Variants in RAB7A observed in about 807,000 individuals in gnomAD.
The protein encoded by RAB7A is ras-related protein Rab-7a.
In RAB7A, 2 loss-of-function variants were observed where a neutral mutation model predicts 24.5. The ratio of observed to expected loss-of-function variants is 0.08; its 90% CI spans 0.03 to 0.26. RAB7A has a LOEUF of 0.26. Among genes scored for constraint, RAB7A ranks in the 10% least tolerant of loss-of-function variants. The probability of loss-of-function intolerance (pLI) is 1.00; values close to 1 mark genes in which losing one functional copy is unlikely to be tolerated. For missense variants in RAB7A, 118 were observed against 255.7 expected, an observed-to-expected ratio of 0.46 and a Z score of 3.67; for synonymous variants, 100 against 95.9, an observed-to-expected ratio of 1.04 and a Z score of -0.25.
At chr3:128,791,140 TTTTG>T (rs941474920) in intron 1 of RAB7A, among the ~76,000 whole-genome samples, 8 of 152,130 alleles carry the variant, frequency 5.3e-5, no homozygotes, top group African/African-American at 9.6e-5. Flanking sequence ...CTTCTTCATG[TTTTG>T]TTTGTTTTTT....
At chr3:128,727,378 A>G (rs1029551795) in intron 1 of RAB7A, among the ~76,000 whole-genome samples, 3 of 151,846 alleles carry the variant, frequency 2.0e-5, no homozygotes, top group Non-Finnish European at 2.9e-5. Context: ...TACTGCTTTC[A>G]CGTACCCCTG....
chr3:128,803,636 G>A (rs2107614571), intron 3 of RAB7A, among the ~76,000 whole-genome samples: 1 of 152,286 alleles, frequency 6.6e-6, no homozygotes, highest in East Asian at 1.9e-4. Flanking sequence ...CATGGGGAGT[G>A]AAAAACTGCA....
At chr3:128,786,452 C>G (rs1933344123) in intron 1 of RAB7A, among the ~76,000 whole-genome samples, 1 of 152,184 alleles carries the variant, frequency 6.6e-6, no homozygotes, top group African/African-American at 2.4e-5. Flanking sequence ...GCCTACTTCA[C>G]TCTGAGCCTT....
chr3:128,726,929 C>G (rs1037141805), intron 1 of RAB7A, among the ~76,000 whole-genome samples: 14 of 152,256 alleles, frequency 9.2e-5, no homozygotes, highest in Admixed American at 8.5e-4. Context: ...TGAGGCGCCT[C>G]TGGCGCTGGG....
chr3:128,763,871 C>CCT (rs2070799985), intron 1 of RAB7A, among the ~76,000 whole-genome samples: 1 of 114,972 alleles, frequency 8.7e-6, no homozygotes, highest in African/African-American at 3.1e-5. Context: ...CCCGCCCCCC[C>CCT]CCCCGCCCCT....
chr3:128,768,722 C>T (rs527637374), intron 1 of RAB7A, among the ~76,000 whole-genome samples: 22 of 147,044 alleles, frequency 1.5e-4, no homozygotes, highest in Non-Finnish European at 2.8e-4. Flanking sequence ...CCACACCTGG[C>T]TAATTTTTTT....
At chr3:128,761,068 A>C (rs1370491981) in intron 1 of RAB7A, among the ~76,000 whole-genome samples, 1 of 152,148 alleles carries the variant, frequency 6.6e-6, no homozygotes, top group Non-Finnish European at 1.5e-5. Flanking sequence ...CCAGCCCCCA[A>C]ATCCTTGGCG....
At chr3:128,764,503 T>G in intron 1 of RAB7A, 1 of 809,280 alleles carries the variant, frequency 1.2e-6, no homozygotes, top group Non-Finnish European at 2.2e-6. Flanking sequence ...GGTGTTCTTG[T>G]TAAAGATATA....
intron 1 of RAB7A, among the ~76,000 whole-genome samples, chr3:128,726,793 C>G (rs922459379): frequency 6.6e-6 from 1 of 152,226 alleles, no homozygotes; most frequent in East Asian, 1.9e-4. Context: ...GGGGGCCGAG[C>G]CGCGTTCCCA....
At chr3:128,734,906 A>G (rs929809556) in intron 1 of RAB7A, among the ~76,000 whole-genome samples, 1 of 152,238 alleles carries the variant, frequency 6.6e-6, no homozygotes, top group Non-Finnish European at 1.5e-5. Flanking sequence ...ATGAATCATT[A>G]TTCTAGAATG....
chr3:128,776,134 C>T (rs1049923825), intron 1 of RAB7A, among the ~76,000 whole-genome samples: 1 of 152,132 alleles, frequency 6.6e-6, no homozygotes, highest in South Asian at 2.1e-4. Context: ...TGAGGTTATG[C>T]TCTATTTGTC....
intron 1 of RAB7A, among the ~76,000 whole-genome samples, chr3:128,768,342 G>T (rs1392804670): frequency 2.0e-5 from 3 of 152,054 alleles, no homozygotes; most frequent in African/African-American, 7.3e-5. Flanking sequence ...GGACATTTGG[G>T]TTGATTCACG....
intron 3 of RAB7A, among the ~76,000 whole-genome samples, chr3:128,799,488 C>T (rs1334298603): frequency 1.3e-5 from 2 of 152,138 alleles, no homozygotes; most frequent in African/African-American, 4.8e-5. Flanking sequence ...ATAGTGGGGG[C>T]TTGCTGAAAT....
intron 1 of RAB7A, among the ~76,000 whole-genome samples, chr3:128,733,777 C>A (rs1453460865): frequency 6.6e-6 from 1 of 152,186 alleles, no homozygotes; most frequent in Non-Finnish European, 1.5e-5. Flanking sequence ...AAGTCACATT[C>A]TGATATATTG....
intron 2 of RAB7A, among the ~76,000 whole-genome samples, chr3:128,796,040 C>T (rs1294851008): frequency 2.0e-5 from 3 of 151,928 alleles, no homozygotes; most frequent in South Asian, 2.1e-4. Context: ...CGTGAGCCAC[C>T]GCGCCCGACC....
At chr3:128,809,799 C>G (rs1190438899) in intron 5 of RAB7A, among the ~76,000 whole-genome samples, 1 of 151,538 alleles carries the variant, frequency 6.6e-6, no homozygotes, top group Non-Finnish European at 1.5e-5. Flanking sequence ...TAGACCGTGG[C>G]CTGTGCTAAA....
chr3:128,766,381 G>A (rs2070831540), intron 1 of RAB7A, among the ~76,000 whole-genome samples: 1 of 152,170 alleles, frequency 6.6e-6, no homozygotes, highest in Admixed American at 6.5e-5. Context: ...GAAGTCCTGG[G>A]TAACCACCGT....
At chr3:128,765,131 G>C in intron 1 of RAB7A, 1 of 711,944 alleles carries the variant, frequency 1.4e-6, no homozygotes. Flanking sequence ...GGCTACGGGC[G>C]GCCGGCCGGG....
intron 5 of RAB7A, among the ~76,000 whole-genome samples, chr3:128,810,116 T>G (rs1933894392): frequency 6.6e-6 from 1 of 151,312 alleles, no homozygotes; most frequent in Non-Finnish European, 1.5e-5. Flanking sequence ...GCCCAGCTAA[T>G]TTTGGTAATT....
Sources: allele counts gnomAD v4.1 joint callset (sites outside exome capture counted in the v4.1 genomes callset), GRCh38; gene constraint gnomAD v4.1.1; transcripts MANE v1.5; gene names NCBI Gene and HGNC (gene_info 2026-07-23, HGNC 2026-07-21).